Variants in CNBD1 observed in about 807,000 individuals in gnomAD.
CNBD1 encodes the protein cyclic nucleotide binding domain containing 1.
In CNBD1, 71 loss-of-function variants were observed where a neutral mutation model predicts 54.4. The observed-to-expected ratio is 1.30, with a 90% CI of 1.08 to 1.59. The LOEUF is 1.59. Among genes scored for constraint, CNBD1 ranks in the 40% most tolerant of loss-of-function variants. The pLI, the probability that CNBD1 is intolerant of heterozygous loss-of-function variation, is 0.00. For missense variants in CNBD1, 659 were observed against 518.0 expected, an observed-to-expected ratio of 1.27 and a Z score of -2.64; for synonymous variants, 182 against 170.7, an observed-to-expected ratio of 1.07 and a Z score of -0.51.
At chr8:86,877,166 T>C (rs1172189140) in intron 1 of CNBD1, among the ~76,000 whole-genome samples, 1 of 152,094 alleles carries the variant, frequency 6.6e-6, no homozygotes, top group Non-Finnish European at 1.5e-5. Flanking sequence ...TTTCTTAAAC[T>C]GTAACTATTA....
chr8:86,962,543 T>C (rs969925520), intron 4 of CNBD1, among the ~76,000 whole-genome samples: 1 of 152,020 alleles, frequency 6.6e-6, no homozygotes, highest in Admixed American at 6.6e-5. Flanking sequence ...CCCAGCACTT[T>C]GGGAGGCTGA....
At chr8:87,320,625 GGC>G (rs984444937) in intron 8 of CNBD1, among the ~76,000 whole-genome samples, 74 of 147,442 alleles carry the variant, frequency 5.0e-4, no homozygotes, top group African/African-American at 1.8e-3. Context: ...TGTGTGGGGG[GGC>G]GGCTCAGGGT....
intron 1 of CNBD1, among the ~76,000 whole-genome samples, chr8:86,869,132 G>A (rs1186435951): frequency 1.3e-5 from 2 of 152,104 alleles, no homozygotes; most frequent in Non-Finnish European, 2.9e-5. Flanking sequence ...AGTGAAATCA[G>A]GTTCAGAGTT....
chr8:87,276,074 A>T (rs965245012), intron 6 of CNBD1, among the ~76,000 whole-genome samples: 2 of 151,910 alleles, frequency 1.3e-5, no homozygotes, highest in Non-Finnish European at 2.9e-5. Context: ...TAACCCTCAC[A>T]GTAGGAATCA....
At chr8:86,962,673 C>G (rs1807961496) in intron 4 of CNBD1, among the ~76,000 whole-genome samples, 1 of 151,942 alleles carries the variant, frequency 6.6e-6, no homozygotes, top group Non-Finnish European at 1.5e-5. Flanking sequence ...GTAGTCCCAG[C>G]TATTCGAGAG....
chr8:87,344,904 T>A (rs1343750363), intron 8 of CNBD1, among the ~76,000 whole-genome samples: 1 of 152,126 alleles, frequency 6.6e-6, no homozygotes, highest in Non-Finnish European at 1.5e-5. Context: ...TGTATAATAT[T>A]TAAATGGACA....
intron 6 of CNBD1, among the ~76,000 whole-genome samples, chr8:87,248,066 G>C (rs1351906065): frequency 6.6e-6 from 1 of 152,118 alleles, no homozygotes; most frequent in Admixed American, 6.6e-5. Context: ...TTGTTCTGCA[G>C]CTGTGGTGTT....
At chr8:87,105,214 C>G (rs1209651989) in intron 4 of CNBD1, among the ~76,000 whole-genome samples, 1 of 152,040 alleles carries the variant, frequency 6.6e-6, no homozygotes, top group South Asian at 2.1e-4. Context: ...ACTTTATCAT[C>G]TTTGAAAATG....
chr8:87,039,711 C>T (rs1810024640), intron 4 of CNBD1, among the ~76,000 whole-genome samples: 1 of 152,112 alleles, frequency 6.6e-6, no homozygotes, highest in Non-Finnish European at 1.5e-5. Flanking sequence ...TCAAATTAGT[C>T]TCCTCGAGAA....
chr8:86,920,089 A>G (rs1338165067), intron 3 of CNBD1, among the ~76,000 whole-genome samples: 4 of 152,148 alleles, frequency 2.6e-5, no homozygotes, highest in Admixed American at 2.6e-4. Context: ...ATTTTAAAGC[A>G]TTAATTCATT....
chr8:86,993,359 T>C (rs990458846), intron 4 of CNBD1, among the ~76,000 whole-genome samples: 1 of 152,196 alleles, frequency 6.6e-6, no homozygotes, highest in African/African-American at 2.4e-5. Context: ...TTTTATCTCA[T>C]GGATTGTTTT....
rs569137709 is a variant in CNBD1 at position 87,240,973 on chromosome 8, C to G, written c.771+3861C>G. On this transcript the variant is annotated intron_variant, in intron 6 of 10. Transcript: ENST00000518476. ...GTTTAGCTGGATACTTTTTGTGGGTCCCCCCAGTTGATGGGCTAGGGAAAG... is the reference window on the plus strand; with the variant it reads ...GTTTAGCTGGATACTTTTTGTGGGTGCCCCCAGTTGATGGGCTAGGGAAAG... Among the ~76,000 whole-genome samples the G allele has an allele frequency of 2.6e-5, 4 of 152,118 alleles. No individual in the cohort carries two copies. The East Asian group carries it at 7.8e-4, about 30-fold the overall frequency.
At chr8:87,351,891 T>G in intron 9 of CNBD1, 97 bp downstream of exon 9, 10 of 1,191,968 alleles carry the variant, frequency 8.4e-6, no homozygotes, top group Non-Finnish European at 1.1e-5. Flanking sequence ...TTATTTGTAT[T>G]ACTTTGTGAA....
At chr8:87,327,151 G>A (rs1324809965) in intron 8 of CNBD1, among the ~76,000 whole-genome samples, 1 of 141,700 alleles carries the variant, frequency 7.1e-6, no homozygotes, top group South Asian at 2.3e-4. Context: ...TGAGGAGGCA[G>A]TCTGCCCGTT....
At chr8:87,416,252 G>C (rs956367807) in intron 2 of CNBD1, among the ~76,000 whole-genome samples, 1 of 151,978 alleles carries the variant, frequency 6.6e-6, no homozygotes, top group African/African-American at 2.4e-5. Context: ...AAAATAAGTA[G>C]AAAGCTACCA....
chr8:87,280,370 A>G (rs1368789257), intron 6 of CNBD1, among the ~76,000 whole-genome samples: 3 of 151,532 alleles, frequency 2.0e-5, no homozygotes, highest in African/African-American at 7.3e-5. Flanking sequence ...AGCTAATAGA[A>G]ACTCATTCAA....
intron 6 of CNBD1, among the ~76,000 whole-genome samples, chr8:87,250,518 C>T (rs754530197): frequency 6.6e-6 from 1 of 152,156 alleles, no homozygotes; most frequent in Non-Finnish European, 1.5e-5. Context: ...GATACATCCG[C>T]ACTCCCATGT....
chr8:87,321,431 T>G (rs118042489), intron 8 of CNBD1, among the ~76,000 whole-genome samples: 1,680 of 152,250 alleles, frequency 0.011, 9 homozygotes, highest in Non-Finnish European at 0.016. Flanking sequence ...TTGATTTGTG[T>G]TTGTGTAATA....
chr8:87,100,849 A>G (rs1811415295), intron 4 of CNBD1, among the ~76,000 whole-genome samples: 1 of 152,230 alleles, frequency 6.6e-6, no homozygotes, highest in South Asian at 2.1e-4. Flanking sequence ...GAAAATTTAA[A>G]TGGGAAGTTT....
Sources: gnomAD v4.1 joint callset for allele counts (sites outside exome capture counted in the v4.1 genomes callset) on GRCh38, gnomAD v4.1.1 for gene constraint, MANE v1.5 for transcripts, NCBI Gene and HGNC (gene_info 2026-07-23, HGNC 2026-07-21) for gene names.